The following OSBPL8 variants were observed in gnomAD, a reference collection of about 807,000 sequenced individuals.
OSBPL8 encodes oxysterol binding protein like 8, also known as oxysterol-binding protein-related protein 8.
Under a neutral mutation model 125.5 loss-of-function variants are expected in OSBPL8, and 59 were observed. The observed-to-expected ratio is 0.47, with a 90% CI of 0.38 to 0.58. OSBPL8 has a LOEUF of 0.58. Among genes scored for constraint, OSBPL8 ranks in the 20% least tolerant of loss-of-function variants. OSBPL8 has a pLI of 0.00. For synonymous variants in OSBPL8, 330 were observed against 338.9 expected (o/e 0.97, Z 0.29); for missense variants, 758 against 1,047.8 (o/e 0.72, Z 3.82).
At chr12:76,433,554 G>T (rs1871100340) in intron 4 of OSBPL8, among the ~76,000 whole-genome samples, 1 of 152,128 alleles carries the variant, frequency 6.6e-6, no homozygotes, top group Non-Finnish European at 1.5e-5. Flanking sequence ...AGAAGACACA[G>T]ATAAATGGAA....
intron 4 of OSBPL8, among the ~76,000 whole-genome samples, chr12:76,431,030 G>C (rs1870751804): frequency 6.6e-6 from 1 of 152,050 alleles, no homozygotes; most frequent in Non-Finnish European, 1.5e-5. Flanking sequence ...AAATAATTTA[G>C]AAGACAGAAG....
Position 76,352,518 on chromosome 12 carries a change from C to T in OSBPL8, c.*3371G>A, listed in dbSNP as rs1951859668. The T allele has an allele frequency of 6.6e-6, 1 of 152,502 alleles. No homozygotes were observed. The highest frequency in any genetic ancestry group is 1.5e-5 in the Non-Finnish European group (1 of 67,964). The allele number at this position is 152,502 out of a possible 1,614,324, so 9.4% of individuals were successfully genotyped here. ...ATACATTTTAAAGAATCTCTTTCCA[C>T]TTAGTCAAATAAGATAGAAATTGAA... On this transcript the variant is annotated 3_prime_UTR_variant, in exon 24 of 24. Transcript: ENST00000261183.
At chr12:76,466,630 T>C (rs566292228) in intron 2 of OSBPL8, among the ~76,000 whole-genome samples, 17 of 152,300 alleles carry the variant, frequency 1.1e-4, no homozygotes, top group East Asian at 7.7e-4. Flanking sequence ...AGGTGCAATA[T>C]TACTTCTACA....
chr12:76,516,625 C>T (rs1043562089), intron 1 of OSBPL8, among the ~76,000 whole-genome samples: 2 of 152,014 alleles, frequency 1.3e-5, no homozygotes, highest in African/African-American at 2.4e-5. Flanking sequence ...AACACTAAAA[C>T]ACAAAAGAGA....
chr12:76,495,494 T>C (rs552990717), intron 1 of OSBPL8, among the ~76,000 whole-genome samples: 107 of 152,340 alleles, frequency 7.0e-4, no homozygotes, highest in Non-Finnish European at 1.4e-3. Flanking sequence ...GGAAACTGCA[T>C]AGTACTGAAG....
intron 12 of OSBPL8, 26 bp downstream of exon 12, chr12:76,389,619 A>G (rs1037472253): frequency 2.7e-6 from 4 of 1,465,968 alleles, no homozygotes; most frequent in African/African-American, 2.9e-5. Context: ...AGTATTGTCT[A>G]TTTTAAGAAA....
At chr12:76,482,414 G>A (rs1877605818) in intron 2 of OSBPL8, among the ~76,000 whole-genome samples, 1 of 152,184 alleles carries the variant, frequency 6.6e-6, no homozygotes, top group African/African-American at 2.4e-5. Flanking sequence ...GGGAGTTCGA[G>A]ACCAGCCTGA....
intron 4 of OSBPL8, among the ~76,000 whole-genome samples, chr12:76,415,275 C>T (rs1329418914): frequency 6.8e-6 from 1 of 147,460 alleles, no homozygotes; most frequent in Admixed American, 6.8e-5. Context: ...GATGGAGTCT[C>T]GCTCTGTCAC....
At chr12:76,435,195 C>T (rs7955916) in intron 4 of OSBPL8, among the ~76,000 whole-genome samples, 74,287 of 150,898 alleles carry the variant, frequency 0.49, 19,484 homozygotes, top group African/African-American at 0.66. Flanking sequence ...TGCATATATA[C>T]ATAAATAGAA....
intron 9 of OSBPL8, 68 bp from the exon 10 acceptor site, chr12:76,392,820 A>C: frequency 7.0e-7 from 1 of 1,423,938 alleles, no homozygotes; most frequent in South Asian, 1.5e-5. Context: ...ATCTTAACTT[A>C]CCCTGTTACC....
At chr12:76,358,567 T>C (rs1188494164) in intron 22 of OSBPL8, 139 bp downstream of exon 22, 2 of 663,920 alleles carry the variant, frequency 3.0e-6, no homozygotes, top group Non-Finnish European at 5.2e-6. Context: ...TTATCTATGA[T>C]CTAGAATTGC....
At chr12:76,538,528 G>A (rs552355526) in intron 1 of OSBPL8, among the ~76,000 whole-genome samples, 24 of 152,256 alleles carry the variant, frequency 1.6e-4, no homozygotes, top group Admixed American at 1.4e-3. Flanking sequence ...TCAAACACCT[G>A]TAAGAATGAT....
At chr12:76,386,475 A>ATTT in intron 13 of OSBPL8, 104 bp downstream of exon 13, 2 of 1,308,738 alleles carry the variant, frequency 1.5e-6, no homozygotes, top group Non-Finnish European at 2.1e-6. Flanking sequence ...GCTACGTCAA[A>ATTT]GAAGCCCAGT....
rs1486728180 is a variant in OSBPL8 at position 76,463,745 on chromosome 12, T to C, written c.43-3850A>G. On this transcript the variant is annotated intron_variant, in intron 2 of 23. Transcript: ENST00000261183. The stretch of plus-strand genomic sequence containing the variant: ...GGATATGGATACAAAAGCACTGAAC[T>C]GGGAGTCAAGTGAAATCATCCTTCC... 3.3e-5 allele frequency among the ~76,000 whole-genome samples: 5 copies of C among 152,204 alleles called. No individual in the cohort carries two copies. In the East Asian group the frequency reaches 9.6e-4, roughly 29 times the overall value.
chr12:76,361,858 T>C (rs549694158), intron 21 of OSBPL8, among the ~76,000 whole-genome samples: 2 of 152,306 alleles, frequency 1.3e-5, no homozygotes, highest in East Asian at 3.9e-4. Flanking sequence ...GTGGAAATTA[T>C]GGGAGTACAA....
chr12:76,471,490 G>A (rs966979763), intron 2 of OSBPL8, among the ~76,000 whole-genome samples: 1 of 152,050 alleles, frequency 6.6e-6, no homozygotes, highest in Non-Finnish European at 1.5e-5. Context: ...AAAGCTCTAC[G>A]TAGTCTCTCA....
At chr12:76,446,477 T>C (rs1205598173) in intron 4 of OSBPL8, among the ~76,000 whole-genome samples, 2 of 152,148 alleles carry the variant, frequency 1.3e-5, no homozygotes, top group Non-Finnish European at 2.9e-5. Context: ...TATTAATTTA[T>C]TCATAAACTT....
intron 4 of OSBPL8, among the ~76,000 whole-genome samples, chr12:76,416,908 ATAAAT>A (rs1287006994): frequency 6.6e-6 from 1 of 152,174 alleles, no homozygotes; most frequent in African/African-American, 2.4e-5. Flanking sequence ...ATTTAAAAAC[ATAAAT>A]TAATCATTGT....
chr12:76,390,453 G>A lies in OSBPL8; in HGVS notation c.1134C>T (p.Thr378=), dbSNP rs375384946. 2.5e-6 allele frequency: 4 copies of A among 1,613,514 alleles called. No homozygotes were observed. The highest frequency in any genetic ancestry group is 3.4e-6 in the Non-Finnish European group (4 of 1,179,688). Residue 378 remains threonine, a synonymous_variant, in exon 11 of 24, where the codon ACC becomes ACT. Coordinates refer to ENST00000261183, the MANE Select transcript of OSBPL8 (RefSeq NM_020841.5). ...PEPVEPLKET[T]YTEQSHEELG... ...GTTCTTCATGGCTCTGTTCAGTGTA[G>A]GTAGTCTCCTTTAAAGGCTCAACAG...
Sources: gnomAD v4.1 joint callset for allele counts (sites outside exome capture counted in the v4.1 genomes callset) on GRCh38, gnomAD v4.1.1 for gene constraint, MANE v1.5 for transcripts, NCBI Gene and HGNC (gene_info 2026-07-23, HGNC 2026-07-21) for gene names.